Variants in NDRG3 observed in about 807,000 individuals in gnomAD.
NDRG3 encodes protein NDRG3.
A neutral mutation model predicts 57.2 loss-of-function variants in NDRG3; 23 were observed. That is an observed-to-expected ratio of 0.40 (90% CI 0.29 to 0.57). The LOEUF is 0.57. NDRG3 is among the 20% of genes least tolerant of loss of function. The pLI, the probability that NDRG3 is intolerant of heterozygous loss-of-function variation, is 0.42. For synonymous variants in NDRG3, 132 were observed against 162.6 expected (o/e 0.81, Z 1.43); for missense variants, 384 against 457.3 (o/e 0.84, Z 1.46).
chr20:36,671,521 G>C (rs1980160214), intron 8 of NDRG3, 124 bp from the exon 9 acceptor site: 5 of 716,768 alleles, frequency 7.0e-6, no homozygotes, highest in Non-Finnish European at 1.2e-5. Context: ...AAAAACCCTT[G>C]GCCAGGTGCG....
At chr20:36,724,442 G>A (rs1044973513) in intron 1 of NDRG3, among the ~76,000 whole-genome samples, 4 of 152,066 alleles carry the variant, frequency 2.6e-5, no homozygotes, top group Non-Finnish European at 4.4e-5. Flanking sequence ...TCAAAAGGGG[G>A]TGAGGTGGCT....
Position 36,744,416 on chromosome 20 carries a change from C to G in NDRG3, c.-49+1629G>C, listed in dbSNP as rs6124253. On this transcript the variant is annotated intron_variant, in intron 1 of 15. Coordinates refer to ENST00000349004, the MANE Select transcript of NDRG3 (RefSeq NM_032013.4). The stretch of plus-strand genomic sequence containing the variant: ...AAGGGGGGGTGGAAATTAACTGAGT[C>G]CTTACCAAGGATCTACTGTGAGCCA... Among the ~76,000 whole-genome samples, 431 of 152,162 alleles carry G rather than the reference C, an allele frequency of 2.8e-3. 19 individuals are homozygous for G. The East Asian group carries it at 0.08, about 28-fold the overall frequency.
At chr20:36,708,826 G>T (rs1174272857) in intron 2 of NDRG3, among the ~76,000 whole-genome samples, 1 of 152,056 alleles carries the variant, frequency 6.6e-6, no homozygotes. Flanking sequence ...ATCACCTGAG[G>T]TTGGGAGTAT....
At chr20:36,678,004 G>A (rs2148080134) in intron 8 of NDRG3, among the ~76,000 whole-genome samples, 1 of 152,264 alleles carries the variant, frequency 6.6e-6, no homozygotes, top group East Asian at 1.9e-4. Flanking sequence ...GTTTGGGACT[G>A]GGACTGGGAG....
At position 36,652,915 on chromosome 20, in the gene NDRG3, G is replaced by C. The variant is rs1224521319; in HGVS notation, c.*605C>G. 3 of 152,462 alleles carry C rather than the reference G, an allele frequency of 2.0e-5. No individual in the cohort carries two copies. Among genetic ancestry groups the C allele is most frequent in the Admixed American group, 6.5e-5 (1 of 15,292 alleles). 9.4% of individuals were successfully genotyped at this position (152,462 alleles called of 1,614,324 possible). ...CTCTCTATGTAACAGGCACCCTTCT[G>C]CTACTGGTCACAATCAATCAATGGT... On this transcript the variant is annotated 3_prime_UTR_variant, in exon 16 of 16. Coordinates refer to ENST00000349004, the MANE Select transcript of NDRG3 (RefSeq NM_032013.4).
At chr20:36,721,911 G>A (rs1984616511) in intron 1 of NDRG3, 128 bp from the exon 2 acceptor site, 2 of 543,232 alleles carry the variant, frequency 3.7e-6, no homozygotes, top group African/African-American at 3.8e-5. Flanking sequence ...GGGTGCTAAA[G>A]ACACATAGTT....
chr20:36,726,034 C>G (rs1984913668), intron 1 of NDRG3, among the ~76,000 whole-genome samples: 1 of 151,802 alleles, frequency 6.6e-6, no homozygotes, highest in African/African-American at 2.4e-5. Flanking sequence ...ATCCTCCCAC[C>G]CCAGCCTCTC....
At chr20:36,678,610 G>A (rs1980965431) in intron 8 of NDRG3, among the ~76,000 whole-genome samples, 1 of 152,224 alleles carries the variant, frequency 6.6e-6, no homozygotes, top group South Asian at 2.1e-4. Context: ...AACCTGGGAG[G>A]CAGAGGTTGC....
At chr20:36,709,480 C>T (rs974121326) in intron 2 of NDRG3, among the ~76,000 whole-genome samples, 8 of 152,106 alleles carry the variant, frequency 5.3e-5, no homozygotes, top group East Asian at 1.9e-4. Context: ...ATTCCTAACA[C>T]GAAACCGAAT....
chr20:36,702,960 A>G (rs541255095), intron 3 of NDRG3, among the ~76,000 whole-genome samples: 1 of 152,056 alleles, frequency 6.6e-6, no homozygotes, highest in Admixed American at 6.6e-5. Flanking sequence ...CTGGGATTAC[A>G]GTTGTGAGCC....
At chr20:36,742,054 C>T (rs1295188191) in intron 1 of NDRG3, among the ~76,000 whole-genome samples, 1 of 152,170 alleles carries the variant, frequency 6.6e-6, no homozygotes, top group African/African-American at 2.4e-5. Context: ...TGTCAAAGCC[C>T]AGAAAGTCAA....
intron 4 of NDRG3, among the ~76,000 whole-genome samples, chr20:36,688,056 G>A (rs1237980241): frequency 2.0e-5 from 3 of 152,340 alleles, no homozygotes; most frequent in African/African-American, 7.2e-5. Flanking sequence ...AGAGTGAAGG[G>A]AGGGGCTGCT....
intron 15 of NDRG3, among the ~76,000 whole-genome samples, chr20:36,654,590 A>G (rs1349188910): frequency 1.3e-5 from 2 of 152,192 alleles, no homozygotes; most frequent in Admixed American, 6.5e-5. Context: ...CCCTGGATTT[A>G]GGATGACAAG....
chr20:36,697,263 C>A (rs1982866955), intron 3 of NDRG3, among the ~76,000 whole-genome samples: 1 of 152,140 alleles, frequency 6.6e-6, no homozygotes, highest in Non-Finnish European at 1.5e-5. Flanking sequence ...ATAGGGCAGT[C>A]CTGATCATAA....
chr20:36,704,528 T>C (rs1983434138), intron 3 of NDRG3, among the ~76,000 whole-genome samples: 1 of 152,216 alleles, frequency 6.6e-6, no homozygotes, highest in South Asian at 2.1e-4. Context: ...GTTTTCCTTC[T>C]TGGTAAATTA....
At chr20:36,656,290 G>T in intron 15 of NDRG3, 70 bp downstream of exon 15, 1 of 1,467,804 alleles carries the variant, frequency 6.8e-7, no homozygotes, top group Non-Finnish European at 9.4e-7. Context: ...AGAATTGTGG[G>T]CTCCCAGATG....
chr20:36,725,450 A>C (rs968169319), intron 1 of NDRG3, among the ~76,000 whole-genome samples: 10 of 151,448 alleles, frequency 6.6e-5, no homozygotes, highest in Admixed American at 4.6e-4. Context: ...TAACAATACA[A>C]AAATTAGCTG....
intron 12 of NDRG3, among the ~76,000 whole-genome samples, chr20:36,662,305 G>A (rs908939484): frequency 6.7e-6 from 1 of 149,470 alleles, no homozygotes; most frequent in Non-Finnish European, 1.5e-5. Context: ...TCAGCTCACT[G>A]AAACCTCCGC....
rs1568681668 is a variant in NDRG3 at position 36,746,082 on chromosome 20, G to GCAGCA, written c.-87_-86insTGCTG. 1.0e-4 allele frequency: 2 copies of GCAGCA among 19,368 alleles called. No individual in the cohort carries two copies. The highest frequency in any genetic ancestry group is 1.5e-4 in the Non-Finnish European group (2 of 13,416). 1.2% of individuals were successfully genotyped at this position (19,368 alleles called of 1,614,324 possible). A position where few individuals can be genotyped will look rare whatever the true frequency, so the allele number is the denominator to read the frequency against. On this transcript the variant is annotated 5_prime_UTR_variant, in exon 1 of 16. Transcript: ENST00000349004. ...CACCCGCCGTCAGTGCAGCAGCAGCGGCGGCGGCGGCGGCGGCGGCGGCGG... is the reference window on the plus strand; with the variant it reads ...CACCCGCCGTCAGTGCAGCAGCAGCGCAGCAGCGGCGGCGGCGGCGGCGGCGGCGG...
Sources: gnomAD v4.1 joint callset for allele counts (sites outside exome capture counted in the v4.1 genomes callset) on GRCh38, gnomAD v4.1.1 for gene constraint, MANE v1.5 for transcripts, NCBI Gene and HGNC (gene_info 2026-07-23, HGNC 2026-07-21) for gene names.